FANK1: variants seen among roughly 807,000 people sequenced by gnomAD.
FANK1 encodes the protein fibronectin type 3 and ankyrin repeat domains protein 1.
Under a neutral mutation model 45.3 loss-of-function variants are expected in FANK1, and 44 were observed. The observed-to-expected ratio is 0.97, with a 90% confidence interval of 0.76 to 1.25. The LOEUF (loss-of-function observed/expected upper bound fraction) is 1.25. Ranked by LOEUF, FANK1 falls within the 50% of genes most tolerant of loss-of-function variation. FANK1 has a pLI of 0.00. For missense variants in FANK1, 391 were observed against 424.4 expected (o/e 0.92, Z 0.69); for synonymous variants, 149 against 152.5 (o/e 0.98, Z 0.17).
At chr10:125,901,496 A>C (rs1945032964) in intron 1 of FANK1, among the ~76,000 whole-genome samples, 1 of 152,072 alleles carries the variant, frequency 6.6e-6, no homozygotes, top group African/African-American at 2.4e-5. Flanking sequence ...AAGCCCTCCA[A>C]AGTCCTTACG....
At chr10:125,936,373 A>G (rs918083782) in intron 1 of FANK1, among the ~76,000 whole-genome samples, 13 of 151,072 alleles carry the variant, frequency 8.6e-5, no homozygotes, top group Admixed American at 6.6e-5. Flanking sequence ...TGCACATATC[A>G]TAAGTTTATG....
At chr10:125,971,422 G>T (rs1950506320) in intron 1 of FANK1, among the ~76,000 whole-genome samples, 1 of 151,578 alleles carries the variant, frequency 6.6e-6, no homozygotes, top group South Asian at 2.1e-4. Context: ...ATAATAAGTT[G>T]CCTTCTCTTC....
At position 126,004,981 on chromosome 10, in the gene FANK1, G is replaced by A. The variant is rs1220262753; in HGVS notation, c.637G>A (p.Ala213Thr). 6.2e-7 allele frequency: 1 copy of A among 1,614,084 alleles called. No individual in the cohort carries two copies. The highest frequency in any genetic ancestry group is 8.5e-7 in the Non-Finnish European group (1 of 1,180,042). Residue 213 changes from alanine to threonine, a missense_variant, in exon 7 of 11, where the codon GCT becomes ACT. By Grantham distance (58) the Ala-to-Thr change is moderately conservative. Transcript: ENST00000368693. ...GGCTAGAGACCTGGGAGGCTGTACA[G>A]CTCTGCACTGGGCTGCAGATGGAGG... ...WQARDLGGCT[A>T]LHWAADGGHC...
At chr10:125,937,783 A>G (rs2134149659) in intron 1 of FANK1, among the ~76,000 whole-genome samples, 1 of 152,328 alleles carries the variant, frequency 6.6e-6, no homozygotes, top group African/African-American at 2.4e-5. Flanking sequence ...TGAAACATGA[A>G]TGAAATGAAA....
chr10:125,997,313 T>C, intron 5 of FANK1, 107 bp from the exon 6 acceptor site: 1 of 823,134 alleles, frequency 1.2e-6, no homozygotes, highest in Non-Finnish European at 1.9e-6. Flanking sequence ...GAAGAAACTG[T>C]TGAAAGATAC....
intron 1 of FANK1, among the ~76,000 whole-genome samples, chr10:125,955,989 T>C (rs1252859833): frequency 6.6e-6 from 1 of 152,194 alleles, no homozygotes; most frequent in African/African-American, 2.4e-5. Flanking sequence ...GAACTATGAC[T>C]CATTATCCTG....
In FANK1 at chr10:125,949,401, G is replaced by A. The variant is rs1202090485; in HGVS notation, c.14-30760G>A. Among the ~76,000 whole-genome samples, 3 of 152,200 alleles carry A rather than the reference G, an allele frequency of 2.0e-5. No individual in the cohort carries two copies. In the South Asian group the frequency reaches 6.2e-4, roughly 32 times the overall value. ...TCTCAGCCCAAAATCTCCTTAAGCTGATAAACAACTTCAGCAAAGTCTCAG... is the reference window on the plus strand; with the variant it reads ...TCTCAGCCCAAAATCTCCTTAAGCTAATAAACAACTTCAGCAAAGTCTCAG... On this transcript the variant is annotated intron_variant, in intron 1 of 10. Transcript: ENST00000368693.
intron 1 of FANK1, among the ~76,000 whole-genome samples, chr10:125,941,365 C>G (rs537495703): frequency 6.6e-6 from 1 of 152,128 alleles, no homozygotes; most frequent in Non-Finnish European, 1.5e-5. Context: ...ATAAGACCAT[C>G]GTAAGATACG....
In FANK1 at chr10:125,957,218, T is replaced by C. The variant is rs557693517; in HGVS notation, c.14-22943T>C. On this transcript the variant is annotated intron_variant, in intron 1 of 10. Transcript: ENST00000368693. ...AATAATACCCCACTGCTTGATGTTATGCACAAGAACCTTACGACAGTATTC... is the reference window on the plus strand; with the variant it reads ...AATAATACCCCACTGCTTGATGTTACGCACAAGAACCTTACGACAGTATTC... 5.9e-5 allele frequency among the ~76,000 whole-genome samples: 9 copies of C among 152,354 alleles called. No homozygotes were observed. The East Asian group carries it at 1.2e-3, about 20-fold the overall frequency.
At chr10:125,943,413 A>G (rs934926770) in intron 1 of FANK1, among the ~76,000 whole-genome samples, 2 of 152,162 alleles carry the variant, frequency 1.3e-5, no homozygotes, top group Non-Finnish European at 2.9e-5. Context: ...TATATTCACA[A>G]AGTTGTACAA....
At chr10:126,001,059 G>C (rs1329504199) in intron 6 of FANK1, among the ~76,000 whole-genome samples, 2 of 152,126 alleles carry the variant, frequency 1.3e-5, no homozygotes, top group Non-Finnish European at 2.9e-5. Context: ...CATCTTTCTG[G>C]AAAGCAATTT....
chr10:125,929,646 T>G (rs1166740931), intron 1 of FANK1, among the ~76,000 whole-genome samples: 1 of 152,208 alleles, frequency 6.6e-6, no homozygotes. Context: ...GAAGGGATTT[T>G]TATGTATGGT....
chr10:125,907,107 G>A (rs1945588798), intron 1 of FANK1, among the ~76,000 whole-genome samples: 1 of 152,208 alleles, frequency 6.6e-6, no homozygotes, highest in Non-Finnish European at 1.5e-5. Context: ...CAAATGGTAA[G>A]TGATGCTTAT....
chr10:125,931,554 T>C (rs965053674), intron 1 of FANK1, among the ~76,000 whole-genome samples: 5 of 152,230 alleles, frequency 3.3e-5, no homozygotes, highest in African/African-American at 4.8e-5. Flanking sequence ...GCCCACTTTT[T>C]GATGGGATTG....
intron 3 of FANK1, among the ~76,000 whole-genome samples, chr10:125,993,217 G>A (rs1231872819): frequency 6.6e-6 from 1 of 152,176 alleles, no homozygotes; most frequent in Non-Finnish European, 1.5e-5. Flanking sequence ...GTTGTTATAG[G>A]TGATTTATCC....
chr10:125,978,632 G>A (rs567723352), intron 1 of FANK1, among the ~76,000 whole-genome samples: 1 of 152,280 alleles, frequency 6.6e-6, no homozygotes, highest in South Asian at 2.1e-4. Flanking sequence ...GCTGTACTGG[G>A]GGATCCCTTC....
chr10:125,943,353 T>A (rs1008572182), intron 1 of FANK1, among the ~76,000 whole-genome samples: 1 of 152,198 alleles, frequency 6.6e-6, no homozygotes, highest in African/African-American at 2.4e-5. Flanking sequence ...ATAATTAATA[T>A]ACCACAAAAC....
chr10:126,007,238 G>A (rs1399316082), intron 7 of FANK1: 1 of 152,164 alleles, frequency 6.6e-6, no homozygotes, highest in African/African-American at 2.4e-5. Context: ...TTATTCATTT[G>A]TGCATTTAAT....
intron 1 of FANK1, among the ~76,000 whole-genome samples, chr10:125,951,112 A>C (rs1191130141): frequency 1.1e-4 from 10 of 91,820 alleles, no homozygotes; most frequent in African/African-American, 3.3e-4. Context: ...GGGAGGGGGG[A>C]GGGATAGCAA....
Sources: allele counts gnomAD v4.1 joint callset (sites outside exome capture counted in the v4.1 genomes callset), GRCh38; gene constraint gnomAD v4.1.1; transcripts MANE v1.5; gene names NCBI Gene and HGNC (gene_info 2026-07-23, HGNC 2026-07-21).